The following VWA5B2 variants were observed in gnomAD, a reference collection of about 807,000 sequenced individuals.
VWA5B2 encodes the protein von Willebrand factor A domain containing 5B2, also known as von Willebrand factor A domain-containing protein 5B2.
VWA5B2 carries 93 observed loss-of-function variants against 118.5 expected under a neutral mutation model. The ratio of observed to expected loss-of-function variants is 0.79; its 90% CI spans 0.66 to 0.93. The LOEUF is 0.93. Ranked by LOEUF, VWA5B2 falls within the 40% of genes least tolerant of loss-of-function variation. VWA5B2 has a pLI of 0.00. For synonymous variants in VWA5B2, 708 were observed against 716.3 expected (o/e 0.99, Z 0.19); for missense variants, 1,546 against 1,672.8 (o/e 0.92, Z 1.32).
Position 184,239,457 on chromosome 3 carries a change from C to G in VWA5B2, c.2266C>G (p.Leu756Val). The G allele has an allele frequency of 6.5e-7, 1 of 1,550,088 alleles. No homozygotes were observed. The highest frequency in any genetic ancestry group is 8.7e-7 in the Non-Finnish European group (1 of 1,146,540). ...QHRAALAGRS[L>V]SSPPGRANQV... ...CAGAGCGGCTCTGGCTGGCCGAAGCCTCTCATCCCCTCCAGGCCGGGCAAA... is the reference window on the plus strand; with the variant it reads ...CAGAGCGGCTCTGGCTGGCCGAAGCGTCTCATCCCCTCCAGGCCGGGCAAA... The change falls in exon 15 of 20, where the codon CTC becomes GTC. Residue 756 changes from leucine to valine, a missense_variant. This residue lies in a region of VWA5B2 where 763 missense variants were observed against 766.6 expected (regional missense o/e 1.00). Transcript: ENST00000691901. The surrounding 1 kb of genome is among the most constrained non-coding windows in gnomAD (Gnocchi z 5.1).
At position 184,233,465 on chromosome 3, in the gene VWA5B2, A is replaced by G; in HGVS notation, c.530+68A>G. The G allele has an allele frequency of 6.7e-7, 1 of 1,501,716 alleles. No individual in the cohort carries two copies. Among genetic ancestry groups the G allele is most frequent in the Non-Finnish European group, 8.9e-7 (1 of 1,122,398 alleles). 93.0% of individuals were successfully genotyped at this position (1,501,716 alleles called of 1,614,324 possible). Reference sequence around the variant, plus strand: ...CTGGGTCTAGTGCGGGTGAGGGGGCACTGGCAGGGTACCCAGGGATGGGAA... The same window carrying G: ...CTGGGTCTAGTGCGGGTGAGGGGGCGCTGGCAGGGTACCCAGGGATGGGAA... On this transcript the variant is annotated intron_variant, in intron 4 of 19. Transcript: ENST00000691901. The surrounding 1 kb of genome is among the most constrained non-coding windows in gnomAD (Gnocchi z 5.2).
At chr3:184,234,792 G>T in intron 7 of VWA5B2, 37 bp downstream of exon 7, 1 of 1,550,292 alleles carries the variant, frequency 6.5e-7, no homozygotes, top group South Asian at 1.2e-5. Flanking sequence ...CCCTGGCCTT[G>T]GCTGCATTTG....
rs971328346 is a variant in VWA5B2 at position 184,239,298 on chromosome 3, G to A, written c.2203-96G>A. 7.4e-7 allele frequency: 1 copy of A among 1,343,776 alleles called. No homozygotes were observed. Among genetic ancestry groups the A allele is most frequent in the Non-Finnish European group, 9.7e-7 (1 of 1,027,788 alleles). 83.2% of individuals were successfully genotyped at this position (1,343,776 alleles called of 1,614,324 possible). ...CTCAAGCTGGTGAGCGGCCACCCAGGGTTTCAGAAAAGGGGCATGGGCCAG... is the reference window on the plus strand; with the variant it reads ...CTCAAGCTGGTGAGCGGCCACCCAGAGTTTCAGAAAAGGGGCATGGGCCAG... On this transcript the variant is annotated intron_variant, in intron 14 of 19. Coordinates refer to ENST00000691901, the MANE Select transcript of VWA5B2 (RefSeq NM_001390846.1). The surrounding 1 kb of genome is among the most constrained non-coding windows in gnomAD (Gnocchi z 5.1).
In VWA5B2 at chr3:184,237,358, C is replaced by T; in HGVS notation, c.1666C>T (p.Leu556Phe). Reference protein sequence around the residue: ...IPALYPGDQLLGYCSLFRVDG... With the variant: ...IPALYPGDQLFGYCSLFRVDG... The stretch of plus-strand genomic sequence containing the variant: ...AGCACTCTACCCTGGGGACCAGCTG[C>T]TCGGTTACTGCTCACTCTTCAGGGT... The change falls in exon 12 of 20, where the codon CTC becomes TTC. Residue 556 changes from leucine to phenylalanine, a missense_variant. This residue lies in a region of VWA5B2 where 775 missense variants were observed against 882.3 expected (regional missense o/e 0.88). Coordinates refer to ENST00000691901, the MANE Select transcript of VWA5B2 (RefSeq NM_001390846.1). The surrounding 1 kb of genome is among the most constrained non-coding windows in gnomAD (Gnocchi z 5.6). 6.4e-7 allele frequency: 1 copy of T among 1,551,236 alleles called. No individual in the cohort carries two copies.
At position 184,239,342 on chromosome 3, in the gene VWA5B2, T is replaced by C; in HGVS notation, c.2203-52T>C. 14 of 1,463,678 alleles carry C rather than the reference T, an allele frequency of 9.6e-6. No homozygotes were observed. Among genetic ancestry groups the C allele is most frequent in the Non-Finnish European group, 1.3e-5 (14 of 1,099,608 alleles). The allele number at this position is 1,463,678 out of a possible 1,614,324, so 90.7% of individuals were successfully genotyped here. On this transcript the variant is annotated intron_variant, in intron 14 of 19. Transcript: ENST00000691901. This position sits in a 1 kb window ranked among gnomAD's most constrained non-coding sequence, Gnocchi z 5.1. ...GGGCCAGCTGTGCACCCATGTATGA[T>C]GGTCAAGGGTTCTGCATTCCTTGAC...
In VWA5B2 at chr3:184,229,632, G is replaced by C. The variant is rs1018193181; in HGVS notation, c.-231G>C. Reference sequence around the variant, plus strand: ...CGAACTGGCGGCCGGCAGGTGCCGGGACCGAGGGCCACCCGGAGCGCAGAG... The same window carrying C: ...CGAACTGGCGGCCGGCAGGTGCCGGCACCGAGGGCCACCCGGAGCGCAGAG... On this transcript the variant is annotated 5_prime_UTR_variant, in exon 1 of 20. Transcript: ENST00000691901. Among the ~76,000 whole-genome samples the C allele has an allele frequency of 2.6e-5, 4 of 152,190 alleles. No individual in the cohort carries two copies. Among genetic ancestry groups the C allele is most frequent in the Non-Finnish European group, 5.9e-5 (4 of 68,000 alleles).
chr3:184,234,784 CT>C (rs1717799499), intron 7 of VWA5B2, 29 bp downstream of exon 7: 1 of 1,550,402 alleles, frequency 6.4e-7, no homozygotes, highest in South Asian at 1.2e-5. Context: ...GGCCTGGCCC[CT>C]GGCCTTGGCT....
Position 184,233,167 on chromosome 3 carries a change from A to T in VWA5B2, c.311-11A>T. ...CCAGCATGCTCTGACCCCATTTCTCACCCATCATAGGTCATCTTGTCTTGG... is the reference window on the plus strand; with the variant it reads ...CCAGCATGCTCTGACCCCATTTCTCTCCCATCATAGGTCATCTTGTCTTGG... On this transcript the variant is annotated splice_polypyrimidine_tract_variant and intron_variant, in intron 3 of 19. Coordinates refer to ENST00000691901, the MANE Select transcript of VWA5B2 (RefSeq NM_001390846.1). The surrounding 1 kb of genome is among the most constrained non-coding windows in gnomAD (Gnocchi z 5.2). 1 of 1,546,984 alleles carries T rather than the reference A, an allele frequency of 6.5e-7. No individual in the cohort carries two copies.
At chr3:184,240,685 A>G in intron 16 of VWA5B2, 106 bp from the exon 17 acceptor site, 1 of 1,445,504 alleles carries the variant, frequency 6.9e-7, no homozygotes, top group Non-Finnish European at 9.2e-7. Flanking sequence ...CTACTCTGTT[A>G]AAGTCGATAG....
In VWA5B2 at chr3:184,230,549, C is replaced by G. The variant is rs534409180; in HGVS notation, c.21C>G (p.Pro7=). The G allele has an allele frequency of 1.4e-5, 21 of 1,481,000 alleles. No individual in the cohort carries two copies. The highest frequency in any genetic ancestry group is 2.9e-5 in the African/African-American group (2 of 68,394). 91.7% of individuals were successfully genotyped at this position (1,481,000 alleles called of 1,614,324 possible). A position where few individuals can be genotyped will look rare whatever the true frequency, so the allele number is the denominator to read the frequency against. The change falls in exon 2 of 20, where the codon CCC becomes CCG. Residue 7 remains proline (P), a synonymous_variant. Transcript: ENST00000691901. MPGLYC[P]SSWTPLPLTD... ...GCGCCATGCCCGGCCTGTACTGCCC[C>G]TCCAGCTGGACGCCGCTGCCGCTCA...
Position 184,240,848 on chromosome 3 carries a change from C to A in VWA5B2, c.2798C>A (p.Pro933His), listed in dbSNP as rs1276093260. The change falls in exon 17 of 20, where the codon CCC becomes CAC. Residue 933 changes from proline to histidine, a missense_variant. By Grantham distance (77) the Pro-to-His change is moderately conservative. This residue lies in a region of VWA5B2 where 763 missense variants were observed against 766.6 expected (regional missense o/e 1.00). Coordinates refer to ENST00000691901, the MANE Select transcript of VWA5B2 (RefSeq NM_001390846.1). ...ALQTSKVSSA[P>H]SCFTCPVAVD... Reference sequence around the variant, plus strand: ...CAGACAAGTAAGGTCAGCTCTGCCCCCTCCTGCTTCACTTGCCCTGTAGCT... The same window carrying A: ...CAGACAAGTAAGGTCAGCTCTGCCCACTCCTGCTTCACTTGCCCTGTAGCT... 3.9e-6 allele frequency: 6 copies of A among 1,551,704 alleles called. No homozygotes were observed. The highest frequency in any genetic ancestry group is 2.4e-5 in the East Asian group (1 of 40,924).
rs1459415674 is a variant in VWA5B2, at chr3:184,237,444, A to G, written c.1719+33A>G. ...TGGGCTGGGGTGTGGTAGGGGGGCT[A>G]GGGTGAGGTAGGGGGGCCTGGGATG... is the stretch of plus-strand genomic sequence containing the variant. On this transcript the variant is annotated intron_variant, in intron 12 of 19. Coordinates refer to ENST00000691901, the MANE Select transcript of VWA5B2 (RefSeq NM_001390846.1). This position sits in a 1 kb window ranked among gnomAD's most constrained non-coding sequence, Gnocchi z 5.6. The G allele has an allele frequency of 1.3e-5, 19 of 1,517,642 alleles. No individual in the cohort carries two copies. In the East Asian group the frequency reaches 3.7e-4, roughly 30 times the overall value. 94.0% of individuals were successfully genotyped at this position (1,517,642 alleles called of 1,614,324 possible). A position where few individuals can be genotyped will look rare whatever the true frequency, so the allele number is the denominator to read the frequency against.
At position 184,241,637 on chromosome 3, in the gene VWA5B2, G is replaced by A. The variant is rs1218345914; in HGVS notation, c.3328G>A (p.Ala1110Thr). The A allele has an allele frequency of 3.2e-6, 5 of 1,539,592 alleles. No homozygotes were observed. The highest frequency in any genetic ancestry group is 4.4e-6 in the Non-Finnish European group (5 of 1,145,920). ...LSPTSASLPW[A>T]LLGPGVGQGD... is the part of the protein sequence containing the mutation. ...CCCCACCTCGGCCTCATTGCCCTGG[G>A]CACTTCTGGGCCCTGGTGTTGGCCA... The change falls in exon 20 of 20, where the codon GCA becomes ACA. Residue 1110 changes from alanine (A) to threonine (T), a missense_variant. This residue lies in a region of VWA5B2 where 763 missense variants were observed against 766.6 expected (regional missense o/e 1.00). Transcript: ENST00000691901. This position sits in a 1 kb window ranked among gnomAD's most constrained non-coding sequence, Gnocchi z 5.1.
intron 6 of VWA5B2, 43 bp downstream of exon 6, chr3:184,234,440 C>G (rs1480368702): frequency 6.5e-7 from 1 of 1,547,566 alleles, no homozygotes; most frequent in Non-Finnish European, 8.7e-7. Context: ...TGACCTGCTT[C>G]TACATGAATG....
chr3:184,236,003 C>A, intron 8 of VWA5B2, 149 bp from the exon 9 acceptor site: 2 of 706,784 alleles, frequency 2.8e-6, no homozygotes, highest in South Asian at 1.8e-5. Context: ...GGCTCACTGG[C>A]ACACTTTCCC....
rs559211353 is a variant in VWA5B2 at position 184,241,591 on chromosome 3, C to T, written c.3282C>T (p.Ala1094=). ...GCCTCTGCCGTGCCTCGCCCTTTGC[C>T]GTGCACCGCGCCAGCCTCAGCCCCA... The part of the protein sequence containing the change: ...QERLCRASPF[A]VHRASLSPTS... Residue 1094 remains alanine, a synonymous_variant, in exon 20 of 20, where the codon GCC becomes GCT. Transcript: ENST00000691901. This position sits in a 1 kb window ranked among gnomAD's most constrained non-coding sequence, Gnocchi z 5.1. The T allele has an allele frequency of 2.5e-5, 38 of 1,545,790 alleles. No homozygotes were observed. The African/African-American group carries it at 4.9e-4, about 20-fold the overall frequency.
chr3:184,238,874 G>A lies in VWA5B2; in HGVS notation c.2202+1G>A. ...TGCACCCACACCAGCTCCATTCAAG[G>A]TGAGATCCAACCCACATTCATTCGC... On this transcript the variant is annotated splice_donor_variant, in intron 14 of 19. Transcript: ENST00000691901. LOFTEE classifies it high-confidence loss of function. The surrounding 1 kb of genome is among the most constrained non-coding windows in gnomAD (Gnocchi z 5.0). 6.7e-7 allele frequency: 1 copy of A among 1,489,922 alleles called. No individual in the cohort carries two copies. Among genetic ancestry groups the A allele is most frequent in the Non-Finnish European group, 9.0e-7 (1 of 1,112,030 alleles). 92.3% of individuals were successfully genotyped at this position (1,489,922 alleles called of 1,614,324 possible).
At chr3:184,234,579 T>C in intron 6 of VWA5B2, 52 bp from the exon 7 acceptor site, 1 of 1,541,510 alleles carries the variant, frequency 6.5e-7, no homozygotes, top group South Asian at 1.2e-5. Context: ...ACTGGGCACT[T>C]GGGGTCCAGA....
At chr3:184,234,142 C>T (rs1402663208) in intron 5 of VWA5B2, 124 bp from the exon 6 acceptor site, 2 of 1,229,086 alleles carry the variant, frequency 1.6e-6, no homozygotes, top group Non-Finnish European at 2.2e-6. Flanking sequence ...CTCCCTCGTC[C>T]ATCTGACCCC....
Sources: gnomAD v4.1 joint callset for allele counts (sites outside exome capture counted in the v4.1 genomes callset) on GRCh38, gnomAD v4.1.1 for gene constraint, gnomAD v4.1.1 regional missense constraint, Gnocchi (gnomAD v3.1) non-coding constraint, MANE v1.5 for transcripts, NCBI Gene and HGNC (gene_info 2026-07-23, HGNC 2026-07-21) for gene names.